Variants in CRPPA observed in about 807,000 individuals in gnomAD.
The protein encoded by CRPPA is D-ribitol-5-phosphate cytidylyltransferase.
CRPPA carries 43 observed loss-of-function variants against 52.0 expected under a neutral mutation model. The observed-to-expected ratio is 0.83, with a 90% CI of 0.65 to 1.07. CRPPA has a LOEUF of 1.07. Ranked by LOEUF, CRPPA falls within the 50% of genes least tolerant of loss-of-function variation. CRPPA has a pLI of 0.00. For missense variants in CRPPA, 629 were observed against 551.7 expected (o/e 1.14, Z -1.40); for synonymous variants, 250 against 203.5 (o/e 1.23, Z -1.94).
intron 2 of CRPPA, among the ~76,000 whole-genome samples, chr7:16,387,947 T>G (rs2389632): frequency 6.6e-6 from 1 of 152,068 alleles, no homozygotes; most frequent in Non-Finnish European, 1.5e-5. Flanking sequence ...TAGAATAGAA[T>G]AAAATTAGAC....
At chr7:16,300,719 C>T (rs75937201) in intron 5 of CRPPA, among the ~76,000 whole-genome samples, 3,585 of 152,164 alleles carry the variant, frequency 0.024, 128 homozygotes, top group African/African-American at 0.082. Context: ...GACTAAAATG[C>T]CAATATAGTG....
At chr7:16,261,849 T>G (rs1783815100) in intron 6 of CRPPA, 1 of 152,136 alleles carries the variant, frequency 6.6e-6, no homozygotes, top group Non-Finnish European at 1.5e-5. Flanking sequence ...CCCTTCCAAG[T>G]ACGCATAGTT....
chr7:16,357,789 G>A (rs1156959314), intron 3 of CRPPA, among the ~76,000 whole-genome samples: 1 of 152,192 alleles, frequency 6.6e-6, no homozygotes, highest in South Asian at 2.1e-4. Context: ...GATACCCGAA[G>A]TCTGAGGGGG....
At chr7:16,205,774 G>T (rs537271547) in intron 9 of CRPPA, among the ~76,000 whole-genome samples, 1 of 148,178 alleles carries the variant, frequency 6.7e-6, no homozygotes. Flanking sequence ...GCTAATGCTG[G>T]ACTTTTTTAA....
intron 1 of CRPPA, among the ~76,000 whole-genome samples, chr7:16,411,275 G>C (rs982533404): frequency 4.6e-5 from 7 of 152,112 alleles, no homozygotes; most frequent in African/African-American, 1.7e-4. Flanking sequence ...AAGGGACCAA[G>C]CTGTGATCTC....
rs370114960 is a variant in CRPPA, at chr7:16,230,665, T to G, written c.1120-14468A>C. 2.2e-3 allele frequency among the ~76,000 whole-genome samples: 338 copies of G among 152,292 alleles called. 21 individuals carry two copies. The South Asian group carries it at 0.068, about 31-fold the overall frequency. ...TTTAGGGTCAGTCACTTGTACCACA[T>G]TTTTTTCATATGGTCATGTAATGTT... On this transcript the variant is annotated intron_variant, in intron 8 of 9. Transcript: ENST00000407010.
At chr7:16,218,093 T>G (rs1358635296) in intron 8 of CRPPA, among the ~76,000 whole-genome samples, 2 of 152,074 alleles carry the variant, frequency 1.3e-5, no homozygotes, top group Admixed American at 1.3e-4. Context: ...AGCAGATCTC[T>G]CCGCAGAAAC....
intron 9 of CRPPA, among the ~76,000 whole-genome samples, chr7:16,135,115 T>C (rs561835172): frequency 2.0e-5 from 3 of 152,324 alleles, no homozygotes; most frequent in Admixed American, 6.5e-5. Flanking sequence ...GGATGAATGA[T>C]ATTCTAACTT....
chr7:16,355,047 T>G (rs987224241), intron 3 of CRPPA, among the ~76,000 whole-genome samples: 2 of 152,184 alleles, frequency 1.3e-5, no homozygotes, highest in Admixed American at 6.5e-5. Context: ...CAAAAAGATA[T>G]TTACATGAGT....
chr7:16,389,922 A>ATATATATATAT (rs1163713598), intron 2 of CRPPA, among the ~76,000 whole-genome samples: 102 of 62,156 alleles, frequency 1.6e-3, no homozygotes, highest in Non-Finnish European at 2.5e-3. Flanking sequence ...ACAAAAAAAA[A>ATATATATATAT]AAAAAAATAT....
chr7:16,401,013 C>T (rs1562684756), intron 2 of CRPPA, among the ~76,000 whole-genome samples: 1 of 152,088 alleles, frequency 6.6e-6, no homozygotes, highest in Non-Finnish European at 1.5e-5. Flanking sequence ...GGACCAGGGT[C>T]CAGAGTTTGA....
chr7:16,324,672 C>T (rs1785339042), intron 3 of CRPPA, among the ~76,000 whole-genome samples: 1 of 152,226 alleles, frequency 6.6e-6, no homozygotes, highest in African/African-American at 2.4e-5. Context: ...GGAGACTACA[C>T]TCTTTAAATC....
At chr7:16,264,458 T>C (rs1014761402) in intron 6 of CRPPA, among the ~76,000 whole-genome samples, 14 of 152,338 alleles carry the variant, frequency 9.2e-5, no homozygotes, top group Middle Eastern at 3.4e-3. Flanking sequence ...CAAACATCTG[T>C]GTATTCACAA....
At chr7:16,230,653 A>T (rs971619036) in intron 8 of CRPPA, among the ~76,000 whole-genome samples, 9 of 152,092 alleles carry the variant, frequency 5.9e-5, no homozygotes, top group African/African-American at 2.2e-4. Flanking sequence ...AGGGTCAGTC[A>T]CTTGTACCAC....
chr7:16,311,861 T>A (rs543674083), intron 3 of CRPPA, among the ~76,000 whole-genome samples: 1 of 152,116 alleles, frequency 6.6e-6, no homozygotes, highest in Non-Finnish European at 1.5e-5. Context: ...AACATTTGGT[T>A]GAAAAGACAG....
chr7:16,214,788 G>A (rs1156897827), intron 9 of CRPPA, among the ~76,000 whole-genome samples: 1 of 152,212 alleles, frequency 6.6e-6, no homozygotes, highest in East Asian at 1.9e-4. Context: ...TAGGATTACA[G>A]GCGTGAGCCA....
intron 3 of CRPPA, among the ~76,000 whole-genome samples, chr7:16,345,956 A>G (rs1267301904): frequency 6.6e-6 from 1 of 152,162 alleles, no homozygotes; most frequent in Non-Finnish European, 1.5e-5. Context: ...TAAAAACATT[A>G]TTTCTCAAAG....
In CRPPA at chr7:16,387,793, A is replaced by G. The variant is rs569681243; in HGVS notation, c.535-11552T>C. The stretch of plus-strand genomic sequence containing the variant: ...TGAAAAATACTATAAACCAAATAAA[A>G]CTAACAGACATCTATTAAACATACC... On this transcript the variant is annotated intron_variant, in intron 2 of 9. Coordinates refer to ENST00000407010, the MANE Select transcript of CRPPA (RefSeq NM_001101426.4). Among the ~76,000 whole-genome samples the G allele has an allele frequency of 5.3e-5, 8 of 152,292 alleles. No individual in the cohort carries two copies. In the South Asian group the frequency reaches 1.7e-3, roughly 32 times the overall value.
At chr7:16,380,652 T>C (rs1787059823) in intron 2 of CRPPA, among the ~76,000 whole-genome samples, 1 of 152,208 alleles carries the variant, frequency 6.6e-6, no homozygotes, top group Non-Finnish European at 1.5e-5. Context: ...CTATTGATTA[T>C]TGCCACAATT....
Sources: gnomAD v4.1 joint callset for allele counts (sites outside exome capture counted in the v4.1 genomes callset) on GRCh38, gnomAD v4.1.1 for gene constraint, MANE v1.5 for transcripts, NCBI Gene and HGNC (gene_info 2026-07-23, HGNC 2026-07-21) for gene names.